The following MEIS1 variants were observed in gnomAD, a reference collection of about 807,000 sequenced individuals.
MEIS1 encodes homeobox protein Meis1.
Under a neutral mutation model 50.8 loss-of-function variants are expected in MEIS1, and 5 were observed. The ratio of observed to expected loss-of-function variants is 0.10; its 90% confidence interval spans 0.05 to 0.21. The LOEUF is 0.21. Ranked by LOEUF, MEIS1 falls within the 10% of genes least tolerant of loss-of-function variation. The pLI is 1.00. For missense variants in MEIS1, 318 were observed against 517.3 expected, an observed-to-expected ratio of 0.61 and a Z score of 3.74; for synonymous variants, 176 against 179.3, an observed-to-expected ratio of 0.98 and a Z score of 0.15.
chr2:66,518,264 C>G (rs556084351), intron 8 of MEIS1, among the ~76,000 whole-genome samples: 70 of 152,322 alleles, frequency 4.6e-4, no homozygotes, highest in African/African-American at 1.6e-3. Flanking sequence ...ATGTTACTGT[C>G]AGAGTATGAG....
intron 10 of MEIS1, 60 bp from the exon 11 acceptor site, chr2:66,568,607 G>C (rs943793307): frequency 7.8e-5 from 97 of 1,250,874 alleles, no homozygotes; most frequent in Non-Finnish European, 1.0e-4. Context: ...AGTCTCTCTT[G>C]GGCTATTTCT....
intron 8 of MEIS1, among the ~76,000 whole-genome samples, chr2:66,524,383 G>A (rs1327493462): frequency 1.3e-5 from 2 of 151,916 alleles, no homozygotes; most frequent in Non-Finnish European, 2.9e-5. Flanking sequence ...ACAATATGAT[G>A]AAACCCCATC....
At chr2:66,470,260 C>T (rs1672734692) in intron 7 of MEIS1, among the ~76,000 whole-genome samples, 1 of 152,094 alleles carries the variant, frequency 6.6e-6, no homozygotes, top group South Asian at 2.1e-4. Context: ...TTAATGTTGA[C>T]CTGCAAATTA....
chr2:66,573,028 A>G lies in MEIS1; in HGVS notation c.*1820A>G, dbSNP rs1308124411. On this transcript the variant is annotated 3_prime_UTR_variant, in exon 13 of 13. Transcript: ENST00000272369. ...GAATTACTCATCTAATATCAGTGAA[A>G]TTATTCTTGCACATAAAGGCAAACC... 1 of 152,232 alleles carries G rather than the reference A, an allele frequency of 6.6e-6. No individual in the cohort carries two copies. The highest frequency in any genetic ancestry group is 2.4e-5 in the African/African-American group (1 of 41,464). 9.4% of individuals were successfully genotyped at this position (152,232 alleles called of 1,614,324 possible). A position where few individuals can be genotyped will look rare whatever the true frequency, so the allele number is the denominator to read the frequency against.
rs11292294 is a variant in MEIS1 at position 66,442,270 on chromosome 2, TAAA to T, written c.484-610_484-608del. Among the ~76,000 whole-genome samples the T allele has an allele frequency of 1.1e-3, 127 of 114,526 alleles. 1 individual carries two copies. Among genetic ancestry groups the T allele is most frequent in the African/African-American group, 2.1e-3 (66 of 32,162 alleles). The allele number at this position is 114,526 out of a possible 152,430, so 75.1% of individuals were successfully genotyped here. ...TTTGAGGCATTCCTTCTCCTTTTTG[TAAA>T]AAAAAAAAAAAAAAAAAAAAATCAA... On this transcript the variant is annotated intron_variant, in intron 5 of 12. Transcript: ENST00000272369.
At chr2:66,555,304 C>G (rs997065937) in intron 9 of MEIS1, among the ~76,000 whole-genome samples, 1 of 134,036 alleles carries the variant, frequency 7.5e-6, no homozygotes. Context: ...CCCCAAACCC[C>G]CCTCCCTCTT....
chr2:66,526,671 G>A (rs2103884038), intron 8 of MEIS1, among the ~76,000 whole-genome samples: 1 of 152,276 alleles, frequency 6.6e-6, no homozygotes, highest in East Asian at 1.9e-4. Context: ...TTTATGGTAA[G>A]TTTAGTGAAG....
At chr2:66,507,792 C>T (rs374068141) in intron 7 of MEIS1, among the ~76,000 whole-genome samples, 14 of 152,288 alleles carry the variant, frequency 9.2e-5, no homozygotes, top group East Asian at 1.9e-4. Flanking sequence ...TTGAAAGGCA[C>T]GAGATAGCAC....
chr2:66,437,709 C>T, intron 1 of MEIS1, 28 bp from the exon 2 acceptor site: 1 of 1,604,202 alleles, frequency 6.2e-7, no homozygotes, highest in Non-Finnish European at 8.5e-7. Context: ...GCCTCCTGAA[C>T]CTTCTTTCTC....
At chr2:66,439,678 G>A (rs1016444907) in intron 2 of MEIS1, 165 bp from the exon 3 acceptor site, 15 of 1,539,942 alleles carry the variant, frequency 9.7e-6, no homozygotes, top group Middle Eastern at 3.3e-4. Flanking sequence ...GGAGGTGAGC[G>A]GTCACCTGGG....
At chr2:66,443,207 A>G (rs1229571800) in intron 6 of MEIS1, 159 bp downstream of exon 6, 1 of 785,828 alleles carries the variant, frequency 1.3e-6, no homozygotes, top group Admixed American at 4.0e-5. Flanking sequence ...TGTGGCTATT[A>G]TTGCTTCATT....
At chr2:66,567,341 C>T in intron 9 of MEIS1, 112 bp from the exon 10 acceptor site, 2 of 1,078,830 alleles carry the variant, frequency 1.9e-6, no homozygotes, top group Non-Finnish European at 2.8e-6. Flanking sequence ...CTGAAGGAGT[C>T]CCATTTTGCC....
chr2:66,458,829 G>A (rs1672454390), intron 6 of MEIS1, among the ~76,000 whole-genome samples: 1 of 152,106 alleles, frequency 6.6e-6, no homozygotes, highest in Admixed American at 6.6e-5. Context: ...TAGATATTTT[G>A]TGATGTCTCT....
intron 2 of MEIS1, chr2:66,439,214 GGGGGGCGGT>G: frequency 1.1e-6 from 1 of 932,718 alleles, no homozygotes; most frequent in Non-Finnish European, 1.3e-6. Context: ...AACTTTCTTT[GGGGGGCGGT>G]GGGGGCTATC....
At chr2:66,492,745 G>A (rs2103810451) in intron 7 of MEIS1, among the ~76,000 whole-genome samples, 1 of 152,320 alleles carries the variant, frequency 6.6e-6, no homozygotes, top group East Asian at 1.9e-4. Flanking sequence ...CCACATGGGT[G>A]CTAGGAAAAA....
Position 66,567,475 on chromosome 2 carries a change from A to G in MEIS1, c.988A>G (p.Ile330Val). The change falls in exon 10 of 13, where the codon ATA (isoleucine) becomes GTA (valine). Residue 330 changes from isoleucine (I) to valine (V), a missense_variant. By Grantham distance (29) the Ile-to-Val change is conservative (BLOSUM62 3). This residue lies in a region of MEIS1 where 1 missense variants were observed against 27.9 expected (regional missense o/e 0.04). Coordinates refer to ENST00000272369, the MANE Select transcript of MEIS1 (RefSeq NM_002398.3). ...CAGGTTTATTAATGCCCGGAGAAGAATAGTGCAGCCCATGATAGACCAGTC... is the reference window on the plus strand; with the variant it reads ...CAGGTTTATTAATGCCCGGAGAAGAGTAGTGCAGCCCATGATAGACCAGTC... ...NNWFINARRR[I>V]VQPMIDQSNR... 1.9e-6 allele frequency: 3 copies of G among 1,613,978 alleles called. No individual in the cohort carries two copies. The highest frequency in any genetic ancestry group is 1.7e-5 in the Admixed American group (1 of 59,990).
At chr2:66,479,349 G>A (rs965406246) in intron 7 of MEIS1, among the ~76,000 whole-genome samples, 2 of 152,134 alleles carry the variant, frequency 1.3e-5, no homozygotes, top group South Asian at 2.1e-4. Context: ...AGACATATAC[G>A]CCTTTTGCCA....
At chr2:66,527,703 T>C (rs1197205372) in intron 8 of MEIS1, among the ~76,000 whole-genome samples, 2 of 151,654 alleles carry the variant, frequency 1.3e-5, no homozygotes, top group Non-Finnish European at 2.9e-5. Context: ...CTTATGCTTT[T>C]TGGTTTGAGG....
chr2:66,536,389 A>T (rs1482860907), intron 8 of MEIS1, among the ~76,000 whole-genome samples: 1 of 152,218 alleles, frequency 6.6e-6, no homozygotes, highest in Non-Finnish European at 1.5e-5. Flanking sequence ...CTGTTAGCTA[A>T]AAAAGAAATT....
Sources: allele counts gnomAD v4.1 joint callset (sites outside exome capture counted in the v4.1 genomes callset), GRCh38; gene constraint gnomAD v4.1.1; regional missense constraint gnomAD v4.1.1; transcripts MANE v1.5; gene names NCBI Gene and HGNC (gene_info 2026-07-23, HGNC 2026-07-21).